CPN1: variants seen among roughly 807,000 people sequenced by gnomAD.
CPN1 encodes the protein carboxypeptidase N catalytic chain.
A neutral mutation model predicts 46.4 loss-of-function variants in CPN1; 37 were observed. The observed-to-expected ratio is 0.80, with a 90% CI of 0.61 to 1.05. The LOEUF (loss-of-function observed/expected upper bound fraction) is 1.05. Ranked by LOEUF, CPN1 falls within the 50% of genes least tolerant of loss-of-function variation. The pLI is 0.00. For missense variants in CPN1, 563 were observed against 602.6 expected, an observed-to-expected ratio of 0.93 and a Z score of 0.69; for synonymous variants, 224 against 235.4, an observed-to-expected ratio of 0.95 and a Z score of 0.44.
intron 7 of CPN1, among the ~76,000 whole-genome samples, chr10:100,052,729 A>C (rs1196554228): frequency 6.6e-6 from 1 of 152,106 alleles, no homozygotes; most frequent in African/African-American, 2.4e-5. Flanking sequence ...AAAATAAAAA[A>C]ATTAGCTGAG....
chr10:100,042,595 C>A (rs777511555), intron 8 of CPN1, 22 bp from the exon 9 acceptor site: 7 of 1,613,550 alleles, frequency 4.3e-6, no homozygotes, highest in Non-Finnish European at 5.9e-6. Flanking sequence ...AAAGCAGGAG[C>A]TACGAGATCC....
At chr10:100,067,968 A>G (rs2041463668) in intron 3 of CPN1, among the ~76,000 whole-genome samples, 1 of 151,820 alleles carries the variant, frequency 6.6e-6, no homozygotes, top group African/African-American at 2.4e-5. Flanking sequence ...CCTGACCAAC[A>G]TGGTAAAACC....
rs376723428 is a variant in CPN1, at chr10:100,079,800, C to A, written c.223+1603G>T. 3.3e-5 allele frequency among the ~76,000 whole-genome samples: 5 copies of A among 152,130 alleles called. No individual in the cohort carries two copies. The East Asian group carries it at 5.8e-4, about 18-fold the overall frequency. ...GAGTGCAGCAGTTCGAAGTTAGAGA[C>A]CTGGCTGGGCACGGTGGCTCACGCC... On this transcript the variant is annotated intron_variant, in intron 1 of 8. Transcript: ENST00000370418.
intron 2 of CPN1, among the ~76,000 whole-genome samples, chr10:100,070,837 C>T (rs1236528366): frequency 2.0e-5 from 3 of 152,180 alleles, no homozygotes; most frequent in Non-Finnish European, 4.4e-5. Flanking sequence ...TTTAAATGTA[C>T]AATTCAATGA....
chr10:100,064,935 T>C (rs2041444257), intron 4 of CPN1, among the ~76,000 whole-genome samples: 1 of 152,212 alleles, frequency 6.6e-6, no homozygotes, highest in Admixed American at 6.5e-5. Context: ...TATTTCTTGC[T>C]CATCATTAGC....
chr10:100,064,996 A>C (rs1015072781), intron 4 of CPN1, among the ~76,000 whole-genome samples, 192 bp downstream of exon 4: 5 of 152,182 alleles, frequency 3.3e-5, no homozygotes, highest in Non-Finnish European at 7.4e-5. Context: ...CTTTGTATTT[A>C]CTTTGTTATG....
At chr10:100,045,129 G>T (rs1313491029) in intron 8 of CPN1, among the ~76,000 whole-genome samples, 1 of 152,166 alleles carries the variant, frequency 6.6e-6, no homozygotes, top group African/African-American at 2.4e-5. Context: ...TCTGGAAATT[G>T]TATCCAAATG....
chr10:100,058,874 A>G (rs536923584), intron 5 of CPN1, among the ~76,000 whole-genome samples: 2 of 152,332 alleles, frequency 1.3e-5, no homozygotes, highest in Admixed American at 6.5e-5. Flanking sequence ...AAGACAGCCC[A>G]GAAACCCTTG....
intron 4 of CPN1, among the ~76,000 whole-genome samples, chr10:100,064,464 T>A (rs1227395500): frequency 6.6e-6 from 1 of 151,282 alleles, no homozygotes; most frequent in Non-Finnish European, 1.5e-5. Flanking sequence ...CACTGCAACC[T>A]CCGCCTCCCA....
chr10:100,075,848 C>T (rs1252828543), intron 2 of CPN1, 63 bp downstream of exon 2: 1 of 1,514,738 alleles, frequency 6.6e-7, no homozygotes. Flanking sequence ...GAATCTTGTC[C>T]ACTGGACTTT....
At chr10:100,050,647 T>C (rs148010411) in intron 7 of CPN1, among the ~76,000 whole-genome samples, 71 of 152,242 alleles carry the variant, frequency 4.7e-4, no homozygotes, top group Non-Finnish European at 6.6e-4. Context: ...TTTTTTGAGA[T>C]AGGGTCTCAT....
intron 7 of CPN1, among the ~76,000 whole-genome samples, chr10:100,050,256 A>G (rs1189971257): frequency 6.6e-6 from 1 of 152,152 alleles, no homozygotes; most frequent in East Asian, 1.9e-4. Flanking sequence ...TGGGAGGCTG[A>G]GGCAGGGTAA....
chr10:100,081,756 G>T lies in CPN1; in HGVS notation c.-131C>A, dbSNP rs1564778420. ...TAAACACCAGTCCAAATTGGAAGAC[G>T]TTCCCAGCTGTCCGTCCAAGGCTGG... On this transcript the variant is annotated 5_prime_UTR_variant, in exon 1 of 9. Transcript: ENST00000370418. The T allele has an allele frequency of 2.7e-6, 2 of 746,348 alleles. No homozygotes were observed. Among genetic ancestry groups the T allele is most frequent in the East Asian group, 5.4e-5 (2 of 37,230 alleles). The allele number at this position is 746,348 out of a possible 1,614,324, so 46.2% of individuals were successfully genotyped here.
At chr10:100,053,597 A>T (rs1032449605) in intron 7 of CPN1, among the ~76,000 whole-genome samples, 2 of 151,530 alleles carry the variant, frequency 1.3e-5, no homozygotes, top group African/African-American at 2.4e-5. Flanking sequence ...TCCAGCCTGG[A>T]TGGTGGAATG....
chr10:100,061,917 C>T (rs1305754731), intron 5 of CPN1, among the ~76,000 whole-genome samples: 1 of 152,124 alleles, frequency 6.6e-6, no homozygotes, highest in Non-Finnish European at 1.5e-5. Flanking sequence ...TCATAGCTCA[C>T]TGTAGCCTTG....
rs2041474137 is a variant in CPN1 at position 100,069,785 on chromosome 10, A to C, written c.505T>G (p.Tyr169Asp). The change falls in exon 3 of 9, where the codon TAT (tyrosine) becomes GAT (aspartate). Residue 169 changes from tyrosine (Y) to aspartate (D), a missense_variant. Transcript: ENST00000370418. Reference protein sequence around the residue: ...LNRNFPDLNTYIYYNEKYGGP... With the variant: ...LNRNFPDLNTDIYYNEKYGGP... Reference sequence around the variant, plus strand: ...CCGTACTTCTCGTTATAGTAGATATAGGTATTGAGATCAGGGAAGTTGCGG... The same window carrying C: ...CCGTACTTCTCGTTATAGTAGATATCGGTATTGAGATCAGGGAAGTTGCGG... 1.2e-6 allele frequency: 2 copies of C among 1,613,898 alleles called. No individual in the cohort carries two copies. Among genetic ancestry groups the C allele is most frequent in the Non-Finnish European group, 1.7e-6 (2 of 1,180,006 alleles).
At chr10:100,052,123 T>G (rs1021166487) in intron 7 of CPN1, among the ~76,000 whole-genome samples, 1 of 150,042 alleles carries the variant, frequency 6.7e-6, no homozygotes, top group Non-Finnish European at 1.5e-5. Flanking sequence ...CAGGCTGGAG[T>G]GCAGTGGCAT....
intron 1 of CPN1, among the ~76,000 whole-genome samples, chr10:100,077,637 A>T (rs1798772796): frequency 6.6e-6 from 1 of 152,180 alleles, no homozygotes; most frequent in South Asian, 2.1e-4. Flanking sequence ...TTATCTTAGT[A>T]TACCTACAGC....
chr10:100,076,780 T>C (rs911546275), intron 1 of CPN1, among the ~76,000 whole-genome samples: 4 of 150,586 alleles, frequency 2.7e-5, no homozygotes, highest in Non-Finnish European at 4.4e-5. Context: ...CCATGAAGAA[T>C]AGGATTGGGG....
Sources: gnomAD v4.1 joint callset for allele counts (sites outside exome capture counted in the v4.1 genomes callset) on GRCh38, gnomAD v4.1.1 for gene constraint, MANE v1.5 for transcripts, NCBI Gene and HGNC (gene_info 2026-07-23, HGNC 2026-07-21) for gene names.